Variants in HIVEP1 observed in about 807,000 individuals in gnomAD.
The protein encoded by HIVEP1 is HIVEP zinc finger 1, also known as zinc finger protein 40.
Under a neutral mutation model 180.0 loss-of-function variants are expected in HIVEP1, and 36 were observed. The observed-to-expected ratio is 0.20, with a 90% CI of 0.15 to 0.26. The LOEUF (loss-of-function observed/expected upper bound fraction) is 0.26. Ranked by LOEUF, HIVEP1 falls within the 10% of genes least tolerant of loss-of-function variation. The probability of loss-of-function intolerance (pLI) is 1.00; values close to 1 mark genes in which losing one functional copy is unlikely to be tolerated. For synonymous variants in HIVEP1, 1,239 were observed against 1,239.0 expected, an observed-to-expected ratio of 1.00 and a Z score of 0.00; for missense variants, 3,143 against 3,268.7, an observed-to-expected ratio of 0.96 and a Z score of 0.94.
chr6:12,015,481 C>G (rs1341649772), intron 1 of HIVEP1, 45 bp from the exon 2 acceptor site: 1 of 666,194 alleles, frequency 1.5e-6, no homozygotes, highest in Non-Finnish European at 2.6e-6. Flanking sequence ...TATCTTTCTC[C>G]TCTGAAGGTA....
Position 12,024,089 on chromosome 6 carries a change from G to A in HIVEP1, c.40+8421G>A, listed in dbSNP as rs571342953. Among the ~76,000 whole-genome samples the A allele has an allele frequency of 3.9e-4, 59 of 152,198 alleles. No homozygotes were observed. The South Asian group carries it at 0.011, about 29-fold the overall frequency. ...CATATTAATACTATGCTCATTACAG[G>A]TGATGCTGTTATACTGTTAACCATT... On this transcript the variant is annotated intron_variant, in intron 2 of 8. Coordinates refer to ENST00000379388, the MANE Select transcript of HIVEP1 (RefSeq NM_002114.4).
chr6:12,201,341 G>A, the HIVEP1 span, among the ~76,000 whole-genome samples: 13 of 152,156 alleles, frequency 8.5e-5, no homozygotes, highest in African/African-American at 3.1e-4. Flanking sequence ...GCTAGATGTG[G>A]TGGCACACAA....
rs35266647 is a variant in HIVEP1, at chr6:12,090,735, CTT to C, written c.94+1521_94+1522del. 3.1e-3 allele frequency among the ~76,000 whole-genome samples: 256 copies of C among 82,422 alleles called. 1 individual carries two copies. The highest frequency in any genetic ancestry group is 0.016 in the East Asian group (37 of 2,364). The allele number at this position is 82,422 out of a possible 152,430, so 54.1% of individuals were successfully genotyped here. Reference sequence around the variant, plus strand: ...AAAGTTTTCTTTCTCTATAGCCAGCCTTTTTTTTTTTTTTTTTTTTTTTTACA... The same window carrying C: ...AAAGTTTTCTTTCTCTATAGCCAGCCTTTTTTTTTTTTTTTTTTTTTTACA... On this transcript the variant is annotated intron_variant, in intron 3 of 8. Coordinates refer to ENST00000379388, the MANE Select transcript of HIVEP1 (RefSeq NM_002114.4).
At position 12,063,024 on chromosome 6, in the gene HIVEP1, CCT is replaced by C. The variant is rs1219964981; in HGVS notation, c.41-26159_41-26158del. 6.6e-6 allele frequency among the ~76,000 whole-genome samples: 1 copy of C among 152,138 alleles called. No individual in the cohort carries two copies. The highest frequency in any genetic ancestry group is 2.4e-5 in the African/African-American group (1 of 41,496). ...TTCTTGTGCTAAATGTGAAGACTCC[CCT>C]GTTAGTAGTAGTTATTGCTAACACG... On this transcript the variant is annotated intron_variant, in intron 2 of 8. Coordinates refer to ENST00000379388, the MANE Select transcript of HIVEP1 (RefSeq NM_002114.4). This position sits in a 1 kb window ranked among gnomAD's most constrained non-coding sequence, Gnocchi z 4.2.
chr6:12,070,632 A>G (rs1771906557), intron 2 of HIVEP1, among the ~76,000 whole-genome samples: 1 of 152,202 alleles, frequency 6.6e-6, no homozygotes, highest in South Asian at 2.1e-4. Flanking sequence ...GGATACTAAT[A>G]TGAAAGTCTA....
chr6:12,165,017 C>A, downstream of HIVEP1: 1 of 402,752 alleles, frequency 2.5e-6, no homozygotes, highest in South Asian at 1.9e-5. Flanking sequence ...TTCAGTTGTG[C>A]CTTCTTTATA....
the HIVEP1 span, among the ~76,000 whole-genome samples, chr6:12,197,263 G>C: frequency 6.6e-6 from 1 of 152,018 alleles, no homozygotes; most frequent in Non-Finnish European, 1.5e-5. Flanking sequence ...TTTTGACATG[G>C]GAAAAGTGTA....
At chr6:12,062,842 A>G (rs1017134370) in intron 2 of HIVEP1, among the ~76,000 whole-genome samples, 5 of 152,242 alleles carry the variant, frequency 3.3e-5, no homozygotes, top group African/African-American at 9.6e-5. Flanking sequence ...TATTGAAAGT[A>G]TAGTGTAGTC....
intron 3 of HIVEP1, among the ~76,000 whole-genome samples, chr6:12,112,851 G>A (rs1774989230): frequency 6.6e-6 from 1 of 152,120 alleles, no homozygotes. Flanking sequence ...TTATTGGTGT[G>A]GGATTTTGGT....
intron 3 of HIVEP1, among the ~76,000 whole-genome samples, chr6:12,112,872 T>A (rs1179792770): frequency 6.6e-6 from 1 of 152,102 alleles, no homozygotes; most frequent in Admixed American, 6.5e-5. Context: ...CTCAGGACAG[T>A]TTCCTGCCTC....
downstream of HIVEP1, among the ~76,000 whole-genome samples, chr6:12,168,867 A>G (rs1456462406): frequency 6.6e-6 from 1 of 152,114 alleles, no homozygotes; most frequent in African/African-American, 2.4e-5. Context: ...GTTGTTCAGT[A>G]GGTTAGATAT....
At chr6:12,209,708 C>T in the HIVEP1 span, among the ~76,000 whole-genome samples, 131 of 152,180 alleles carry the variant, frequency 8.6e-4, 1 homozygote, top group South Asian at 0.024. Context: ...AAGTGCTTTA[C>T]GTGTATTGGT....
At chr6:12,127,873 A>G (rs964894188) in intron 4 of HIVEP1, among the ~76,000 whole-genome samples, 1 of 152,220 alleles carries the variant, frequency 6.6e-6, no homozygotes, top group Admixed American at 6.5e-5. Flanking sequence ...GACTGCGCAG[A>G]TCACTGGAGA....
At chr6:12,037,620 A>G in intron 2 of HIVEP1, 1 of 390,868 alleles carries the variant, frequency 2.6e-6, no homozygotes, top group African/African-American at 2.1e-5. Flanking sequence ...TATGAAATAG[A>G]TAGTAGCAGT....
At chr6:12,084,213 G>A (rs1019443125) in intron 2 of HIVEP1, among the ~76,000 whole-genome samples, 11 of 152,036 alleles carry the variant, frequency 7.2e-5, no homozygotes, top group African/African-American at 1.2e-4. Flanking sequence ...GTTTTTCTAC[G>A]ATTTTACTAG....
chr6:12,032,300 G>A (rs912232518), intron 2 of HIVEP1, among the ~76,000 whole-genome samples: 4 of 151,904 alleles, frequency 2.6e-5, no homozygotes, highest in East Asian at 1.9e-4. Flanking sequence ...CACCATGCCC[G>A]GCTAATTTTT....
chr6:12,162,556 A>G (rs1159297666), intron 8 of HIVEP1, among the ~76,000 whole-genome samples: 1 of 152,186 alleles, frequency 6.6e-6, no homozygotes, highest in East Asian at 1.9e-4. Flanking sequence ...TCCCTGCTCT[A>G]CCTCTGGCTG....
At chr6:12,053,772 G>A (rs1458977699) in intron 2 of HIVEP1, among the ~76,000 whole-genome samples, 1 of 152,212 alleles carries the variant, frequency 6.6e-6, no homozygotes, top group Non-Finnish European at 1.5e-5. Context: ...CCACAAAACA[G>A]AAATTGACAA....
downstream of HIVEP1, among the ~76,000 whole-genome samples, chr6:12,168,089 A>ACATATGTG (rs1562024436): frequency 2.1e-5 from 1 of 47,728 alleles, no homozygotes; most frequent in African/African-American, 9.4e-5. Context: ...ATATACATAT[A>ACATATGTG]TACACATACA....
Sources: gnomAD v4.1 joint callset for allele counts (sites outside exome capture counted in the v4.1 genomes callset) on GRCh38, gnomAD v4.1.1 for gene constraint, Gnocchi (gnomAD v3.1) non-coding constraint, MANE v1.5 for transcripts, NCBI Gene and HGNC (gene_info 2026-07-23, HGNC 2026-07-21) for gene names.